UIMC1: variants seen among roughly 807,000 people sequenced by gnomAD.
UIMC1 encodes ubiquitin interaction motif containing 1, also known as BRCA1-A complex subunit RAP80.
A neutral mutation model predicts 84.9 loss-of-function variants in UIMC1; 42 were observed. The ratio of observed to expected loss-of-function variants is 0.49; its 90% CI spans 0.39 to 0.64. The LOEUF is 0.64. UIMC1 is among the 30% of genes least tolerant of loss of function. UIMC1 has a pLI of 0.00. For synonymous variants in UIMC1, 281 were observed against 293.0 expected (o/e 0.96, Z 0.42); for missense variants, 825 against 847.6 (o/e 0.97, Z 0.33).
At chr5:176,932,792 G>A (rs1036538782) in intron 10 of UIMC1, among the ~76,000 whole-genome samples, 4 of 151,572 alleles carry the variant, frequency 2.6e-5, no homozygotes, top group Admixed American at 6.6e-5. Context: ...GCTGACCCCC[G>A]GTGACCAGGC....
chr5:177,013,638 A>G (rs1390010436), intron 1 of UIMC1, among the ~76,000 whole-genome samples: 1 of 152,186 alleles, frequency 6.6e-6, no homozygotes, highest in Non-Finnish European at 1.5e-5. Flanking sequence ...CAGTTAAAGG[A>G]AACACAGCCA....
chr5:176,991,918 C>A (rs900928670), intron 1 of UIMC1, among the ~76,000 whole-genome samples: 2 of 151,862 alleles, frequency 1.3e-5, no homozygotes, highest in South Asian at 2.1e-4. Context: ...TGAGACAGAG[C>A]GAGACTCCGT....
chr5:176,991,494 C>T (rs898605649), intron 1 of UIMC1, among the ~76,000 whole-genome samples: 1 of 151,748 alleles, frequency 6.6e-6, no homozygotes, highest in Non-Finnish European at 1.5e-5. Flanking sequence ...GACTGCCTCT[C>T]GATCACCTGA....
At chr5:176,915,813 A>T (rs1581363868) in intron 10 of UIMC1, among the ~76,000 whole-genome samples, 1 of 151,436 alleles carries the variant, frequency 6.6e-6, no homozygotes, top group Admixed American at 6.6e-5. Flanking sequence ...AAAAAAAAAA[A>T]AGCAAAAAGC....
chr5:177,018,556 A>G, intron 1 of UIMC1, among the ~76,000 whole-genome samples: 1 of 152,188 alleles, frequency 6.6e-6, no homozygotes. Context: ...CCATGGCAAC[A>G]ATACACAGTA....
upstream of UIMC1, among the ~76,000 whole-genome samples, chr5:177,009,384 GA>G (rs370288926): frequency 0.017 from 2,450 of 146,036 alleles, 68 homozygotes; most frequent in African/African-American, 0.057. The surrounding 1 kb of genome is among the most constrained non-coding windows in gnomAD (Gnocchi z 4.3). Context: ...TAGAAGAGAG[GA>G]AAAAAAAAAC....
intron 1 of UIMC1, among the ~76,000 whole-genome samples, chr5:177,014,214 G>A (rs556323608): frequency 1.8e-3 from 272 of 151,816 alleles, no homozygotes; most frequent in South Asian, 3.7e-3. Context: ...CACCATGCCC[G>A]GCTGATTTTT....
intron 7 of UIMC1, among the ~76,000 whole-genome samples, chr5:176,956,828 T>C (rs1766661986): frequency 6.6e-6 from 1 of 151,922 alleles, no homozygotes; most frequent in Admixed American, 6.6e-5. Context: ...ACTGAACTCA[T>C]GATAAATAAC....
At chr5:177,007,971 G>A (rs559808495), upstream of UIMC1, among the ~76,000 whole-genome samples, 1 of 148,528 alleles carries the variant, frequency 6.7e-6, no homozygotes, top group East Asian at 2.0e-4. Context: ...TTGGCGTGGT[G>A]GTACATGCCA....
At chr5:176,928,952 T>A (rs192523853) in intron 10 of UIMC1, among the ~76,000 whole-genome samples, 19 of 148,784 alleles carry the variant, frequency 1.3e-4, no homozygotes, top group Non-Finnish European at 1.2e-4. Context: ...CTACGTCTTT[T>A]AAAAAAAAAA....
upstream of UIMC1, among the ~76,000 whole-genome samples, chr5:177,007,357 AAAAAG>A (rs1775394078): frequency 1.3e-5 from 2 of 151,798 alleles, no homozygotes; most frequent in African/African-American, 4.8e-5. Context: ...AAAAAAAAAA[AAAAAG>A]GGAAAGAAAG....
intron 12 of UIMC1, 85 bp downstream of exon 12, chr5:176,908,438 G>A: frequency 7.4e-7 from 1 of 1,354,586 alleles, no homozygotes; most frequent in Non-Finnish European, 9.8e-7. Flanking sequence ...AGGGAGAAGA[G>A]GGAAAAGCCA....
At chr5:176,960,686 T>A (rs1258593755) in intron 6 of UIMC1, among the ~76,000 whole-genome samples, 5 of 32,878 alleles carry the variant, frequency 1.5e-4, no homozygotes, top group Non-Finnish European at 2.1e-4. Flanking sequence ...CTCCCTCTCA[T>A]GCGGAGCCGA....
chr5:176,916,668 C>G (rs1198045222), intron 10 of UIMC1, among the ~76,000 whole-genome samples: 1 of 152,182 alleles, frequency 6.6e-6, no homozygotes, highest in Non-Finnish European at 1.5e-5. Flanking sequence ...TAGTTTTATT[C>G]ACTATTTGTT....
intron 2 of UIMC1, among the ~76,000 whole-genome samples, chr5:176,980,552 A>T (rs980874091): frequency 1.3e-5 from 2 of 152,206 alleles, no homozygotes; most frequent in African/African-American, 4.8e-5. Context: ...AAATTATTTT[A>T]AAAATGAAAA....
intron 10 of UIMC1, among the ~76,000 whole-genome samples, chr5:176,922,631 T>C (rs1281949975): frequency 6.6e-6 from 1 of 152,252 alleles, no homozygotes; most frequent in African/African-American, 2.4e-5. Flanking sequence ...GGTTAAGTTG[T>C]TCATTGTTAT....
In UIMC1 at chr5:176,908,573, C is replaced by T. The variant is rs1561704848; in HGVS notation, c.1798G>A (p.Ala600Thr). 1 of 1,614,112 alleles carries T rather than the reference C, an allele frequency of 6.2e-7. No individual in the cohort carries two copies. Among genetic ancestry groups the T allele is most frequent in the African/African-American group, 1.3e-5 (1 of 75,020 alleles). The change falls in exon 12 of 15, where the codon GCA becomes ACA. Residue 600 changes from alanine (A) to threonine (T), a missense_variant. Ala to Thr is a moderately conservative substitution (Grantham distance 58). Coordinates refer to ENST00000511320, the MANE Select transcript of UIMC1 (RefSeq NM_001199298.2). ...CACTTCCCCTCCACAGTTGAACATG[C>T]TCTTCCACTCCCTTCAGGTCCATCT... ...QGDGPEGSGR[A>T]CSTVEGKWQQ... is the part of the protein sequence containing the mutation.
rs376350506 is a variant in UIMC1, at chr5:176,991,661, G to A, written c.-8-9038C>T. Among the ~76,000 whole-genome samples, 209 of 149,650 alleles carry A rather than the reference G, an allele frequency of 1.4e-3. 6 individuals carry two copies. In the East Asian group the frequency reaches 0.026, roughly 19 times the overall value. On this transcript the variant is annotated intron_variant, in intron 1 of 14. Transcript: ENST00000511320. Reference sequence around the variant, plus strand: ...AAAAAAAAAAAAAAAGGCCAGGCGCGGTGGCTCACACCTGTAATCTCAGCA... The same window carrying A: ...AAAAAAAAAAAAAAAGGCCAGGCGCAGTGGCTCACACCTGTAATCTCAGCA...
intron 1 of UIMC1, among the ~76,000 whole-genome samples, chr5:176,991,528 G>C (rs569630579): frequency 3.3e-4 from 49 of 149,646 alleles, no homozygotes; most frequent in African/African-American, 1.2e-3. Context: ...AGACCAGCCT[G>C]ACCAACATGG....
Sources: allele counts gnomAD v4.1 joint callset (sites outside exome capture counted in the v4.1 genomes callset), GRCh38; gene constraint gnomAD v4.1.1; non-coding constraint Gnocchi (gnomAD v3.1); transcripts MANE v1.5; gene names NCBI Gene and HGNC (gene_info 2026-07-23, HGNC 2026-07-21).